Variants in SIPA1L1 observed in about 807,000 individuals in gnomAD.
SIPA1L1 encodes signal induced proliferation associated 1 like 1.
SIPA1L1 carries 26 observed loss-of-function variants against 162.7 expected under a neutral mutation model. That is an observed-to-expected ratio of 0.16 (90% CI 0.12 to 0.22). SIPA1L1 has a LOEUF of 0.22. Among genes scored for constraint, SIPA1L1 ranks in the 10% least tolerant of loss-of-function variants. The pLI, the probability that SIPA1L1 is intolerant of heterozygous loss-of-function variation, is 1.00. For synonymous variants in SIPA1L1, 829 were observed against 837.4 expected (o/e 0.99, Z 0.17); for missense variants, 1,874 against 2,241.0 (o/e 0.84, Z 3.31).
chr14:71,525,343 C>G (rs1014387164), intron 3 of SIPA1L1, among the ~76,000 whole-genome samples: 2 of 152,094 alleles, frequency 1.3e-5, no homozygotes, highest in South Asian at 4.1e-4. Context: ...CCACCACACC[C>G]GGCTAATTTT....
intron 3 of SIPA1L1, among the ~76,000 whole-genome samples, chr14:71,521,678 C>T (rs2052368916): frequency 6.6e-6 from 1 of 152,202 alleles, no homozygotes; most frequent in Non-Finnish European, 1.5e-5. Context: ...TGGCTGTCTA[C>T]CTAGGTGTGA....
chr14:71,613,220 G>T (rs962480193), intron 5 of SIPA1L1, among the ~76,000 whole-genome samples: 20 of 152,060 alleles, frequency 1.3e-4, no homozygotes, highest in African/African-American at 4.6e-4. Context: ...ATAATATTGT[G>T]TGTAATGGCT....
At position 71,320,838 on chromosome 14, in the gene SIPA1L1, G is replaced by T. The variant is rs997696230; in HGVS notation, c.-524-284G>T. On this transcript the variant is annotated intron_variant, in intron 1 of 23. Coordinates refer to ENST00000381232, the MANE Select transcript of SIPA1L1 (RefSeq NM_001386936.1). Reference sequence around the variant, plus strand: ...GGGCGCTGAGCCTCGGGGACGGCGCGAGCGGGGGCCCGGGCGCCTAGACAA... The same window carrying T: ...GGGCGCTGAGCCTCGGGGACGGCGCTAGCGGGGGCCCGGGCGCCTAGACAA... Among the ~76,000 whole-genome samples, 117 of 152,118 alleles carry T rather than the reference G, an allele frequency of 7.7e-4. 2 individuals are homozygous for T. Among genetic ancestry groups the T allele is most frequent in the African/African-American group, 2.7e-3 (114 of 41,522 alleles).
chr14:71,694,599 A>C (rs2081490016), intron 13 of SIPA1L1, among the ~76,000 whole-genome samples: 1 of 152,226 alleles, frequency 6.6e-6, no homozygotes, highest in South Asian at 2.1e-4. Flanking sequence ...AATTTATAAA[A>C]ATATAGAGAA....
chr14:71,640,951 C>A (rs922884593), intron 7 of SIPA1L1, among the ~76,000 whole-genome samples: 3 of 152,072 alleles, frequency 2.0e-5, no homozygotes, highest in Non-Finnish European at 4.4e-5. Context: ...AACTAAAAAA[C>A]CCCTAAAGTT....
At chr14:71,360,394 G>A (rs951248440) in intron 2 of SIPA1L1, among the ~76,000 whole-genome samples, 1 of 152,148 alleles carries the variant, frequency 6.6e-6, no homozygotes, top group African/African-American at 2.4e-5. Context: ...ATGAGCCTAA[G>A]TCCAAAGCTT....
intron 5 of SIPA1L1, among the ~76,000 whole-genome samples, chr14:71,617,575 A>G (rs1368494101): frequency 6.6e-6 from 1 of 152,240 alleles, no homozygotes; most frequent in Non-Finnish European, 1.5e-5. Flanking sequence ...ATTGTGCTTT[A>G]GTACCTGCAA....
intron 5 of SIPA1L1, among the ~76,000 whole-genome samples, chr14:71,591,010 C>G (rs2035314227): frequency 6.6e-6 from 1 of 152,144 alleles, no homozygotes; most frequent in African/African-American, 2.4e-5. Flanking sequence ...CCCTGCTTTA[C>G]TGTACCTGTG....
At chr14:71,590,107 A>T (rs944689957) in intron 5 of SIPA1L1, among the ~76,000 whole-genome samples, 10 of 148,962 alleles carry the variant, frequency 6.7e-5, no homozygotes, top group Admixed American at 1.3e-4. Context: ...ACACACATAT[A>T]TACACACATA....
At chr14:71,693,692 ATTG>A (rs997269389) in intron 13 of SIPA1L1, among the ~76,000 whole-genome samples, 3 of 151,746 alleles carry the variant, frequency 2.0e-5, no homozygotes, top group Non-Finnish European at 4.4e-5. Context: ...ATCACCTTGA[ATTG>A]TTGTAGAGAT....
intron 7 of SIPA1L1, among the ~76,000 whole-genome samples, chr14:71,631,182 C>A (rs1367045293): frequency 6.6e-6 from 1 of 152,028 alleles, no homozygotes; most frequent in Non-Finnish European, 1.5e-5. Flanking sequence ...CATCCATGTC[C>A]CTGAAAAGGA....
At chr14:71,552,255 T>A (rs1483813893) in intron 4 of SIPA1L1, among the ~76,000 whole-genome samples, 1 of 152,222 alleles carries the variant, frequency 6.6e-6, no homozygotes, top group Non-Finnish European at 1.5e-5. Context: ...TAAGTGGAAA[T>A]TAATTGTACC....
At chr14:71,516,842 G>A (rs770279087) in intron 3 of SIPA1L1, among the ~76,000 whole-genome samples, 11 of 151,810 alleles carry the variant, frequency 7.2e-5, no homozygotes, top group Non-Finnish European at 1.2e-4. Context: ...GTGTGGTGGC[G>A]GGCGCCTGTA....
At chr14:71,663,996 A>C (rs906618694) in intron 10 of SIPA1L1, among the ~76,000 whole-genome samples, 1 of 152,208 alleles carries the variant, frequency 6.6e-6, no homozygotes, top group Non-Finnish European at 1.5e-5. Flanking sequence ...ATTTTTTGCC[A>C]TCCTTCTCAA....
chr14:71,403,833 G>C (rs2041851642), intron 2 of SIPA1L1, among the ~76,000 whole-genome samples: 1 of 152,008 alleles, frequency 6.6e-6, no homozygotes. Flanking sequence ...TTTGTAGTCT[G>C]GTTGCCAGTC....
intron 7 of SIPA1L1, among the ~76,000 whole-genome samples, chr14:71,624,483 A>G (rs1394468171): frequency 6.6e-6 from 1 of 152,200 alleles, no homozygotes; most frequent in African/African-American, 2.4e-5. Flanking sequence ...TCTTTTGATA[A>G]TCTTCCATAT....
At chr14:71,670,983 T>G in intron 10 of SIPA1L1, 136 bp from the exon 11 acceptor site, 1 of 707,436 alleles carries the variant, frequency 1.4e-6, no homozygotes, top group Non-Finnish European at 2.4e-6. Flanking sequence ...AGCAGAAATG[T>G]GTGTTGTTTC....
chr14:71,509,466 G>A (rs2050938446), intron 2 of SIPA1L1, among the ~76,000 whole-genome samples: 1 of 152,174 alleles, frequency 6.6e-6, no homozygotes, highest in Non-Finnish European at 1.5e-5. Flanking sequence ...AAACAAGCTG[G>A]GCACGGTGGC....
intron 2 of SIPA1L1, among the ~76,000 whole-genome samples, chr14:71,440,326 T>G (rs957073381): frequency 6.6e-6 from 1 of 152,032 alleles, no homozygotes; most frequent in African/African-American, 2.4e-5. Flanking sequence ...TGCCTAAAGC[T>G]TCTAAACTTG....
Sources: gnomAD v4.1 joint callset for allele counts (sites outside exome capture counted in the v4.1 genomes callset) on GRCh38, gnomAD v4.1.1 for gene constraint, MANE v1.5 for transcripts, NCBI Gene and HGNC (gene_info 2026-07-23, HGNC 2026-07-21) for gene names.